SLC4A7: variants seen among roughly 807,000 people sequenced by gnomAD.
SLC4A7 encodes sodium bicarbonate cotransporter 3.
A neutral mutation model predicts 137.6 loss-of-function variants in SLC4A7; 51 were observed. The ratio of observed to expected loss-of-function variants is 0.37; its 90% CI spans 0.30 to 0.47. SLC4A7 has a LOEUF of 0.47. SLC4A7 is among the 20% of genes least tolerant of loss of function. The pLI, the probability that SLC4A7 is intolerant of heterozygous loss-of-function variation, is 1.00. For missense variants in SLC4A7, 1,247 were observed against 1,525.4 expected (o/e 0.82, Z 3.04); for synonymous variants, 542 against 518.6 (o/e 1.05, Z -0.61).
At chr3:27,408,192 A>T (rs1576273756) in intron 13 of SLC4A7, among the ~76,000 whole-genome samples, 1 of 152,188 alleles carries the variant, frequency 6.6e-6, no homozygotes, top group Non-Finnish European at 1.5e-5. Context: ...CTCTTCTTAC[A>T]CTTATCTATA....
intron 1 of SLC4A7, among the ~76,000 whole-genome samples, chr3:27,481,580 C>G (rs1471994699): frequency 6.6e-6 from 1 of 152,210 alleles, no homozygotes; most frequent in Non-Finnish European, 1.5e-5. Context: ...TTAATTTTAT[C>G]AACGCCAATA....
chr3:27,436,996 T>C (rs566867090), intron 4 of SLC4A7, among the ~76,000 whole-genome samples: 1 of 152,348 alleles, frequency 6.6e-6, no homozygotes, highest in Admixed American at 6.5e-5. Flanking sequence ...AAGCACCAGA[T>C]ATCTCATACT....
intron 21 of SLC4A7, among the ~76,000 whole-genome samples, chr3:27,391,243 A>G (rs1252834341): frequency 6.6e-6 from 1 of 152,230 alleles, no homozygotes; most frequent in Non-Finnish European, 1.5e-5. Context: ...ATAATCTTCA[A>G]TAAGTCCTTC....
chr3:27,471,481 C>T (rs1221400343), intron 1 of SLC4A7, among the ~76,000 whole-genome samples: 2 of 152,054 alleles, frequency 1.3e-5, no homozygotes, highest in African/African-American at 4.8e-5. Context: ...CTCAGTTCAC[C>T]ACAACCTCTG....
At chr3:27,439,488 C>T (rs541032418) in intron 3 of SLC4A7, among the ~76,000 whole-genome samples, 31 of 152,216 alleles carry the variant, frequency 2.0e-4, no homozygotes, top group Admixed American at 3.9e-4. Flanking sequence ...TCAGAATGAT[C>T]CCTAAATACT....
At chr3:27,393,807 TA>T (rs1347563404) in intron 20 of SLC4A7, among the ~76,000 whole-genome samples, 8 of 151,912 alleles carry the variant, frequency 5.3e-5, no homozygotes, top group African/African-American at 1.9e-4. Flanking sequence ...TTTACAATAA[TA>T]AAAAAATTAA....
chr3:27,408,934 C>T (rs1278691898), intron 13 of SLC4A7, among the ~76,000 whole-genome samples: 2 of 152,186 alleles, frequency 1.3e-5, no homozygotes, highest in Non-Finnish European at 2.9e-5. Flanking sequence ...CCAGCCAGGA[C>T]TGAGGAGTTA....
intron 1 of SLC4A7, among the ~76,000 whole-genome samples, chr3:27,467,981 T>C (rs185548062): frequency 6.6e-6 from 1 of 152,362 alleles, no homozygotes; most frequent in African/African-American, 2.4e-5. Flanking sequence ...AGAATAGTAT[T>C]CAGATATGCA....
chr3:27,481,058 A>G (rs1010669323), intron 1 of SLC4A7, among the ~76,000 whole-genome samples: 1 of 152,234 alleles, frequency 6.6e-6, no homozygotes, highest in Non-Finnish European at 1.5e-5. Flanking sequence ...GAATTGTGTT[A>G]TATCATGCAC....
intron 1 of SLC4A7, among the ~76,000 whole-genome samples, chr3:27,462,128 AT>A (rs1286203896): frequency 6.6e-6 from 1 of 152,144 alleles, no homozygotes; most frequent in East Asian, 1.9e-4. Flanking sequence ...CTTTCCATAA[AT>A]TTTTTTAAAT....
chr3:27,450,583 A>G (rs2058007596), intron 2 of SLC4A7, among the ~76,000 whole-genome samples: 1 of 152,152 alleles, frequency 6.6e-6, no homozygotes, highest in African/African-American at 2.4e-5. Context: ...TTGTTCCTCC[A>G]ATTAGTACTA....
At chr3:27,423,923 G>A (rs2055267220) in intron 8 of SLC4A7, 114 bp downstream of exon 8, 1 of 631,032 alleles carries the variant, frequency 1.6e-6, no homozygotes, top group South Asian at 2.1e-5. Context: ...AGGTTTGTAA[G>A]CACCAGTCTA....
intron 11 of SLC4A7, among the ~76,000 whole-genome samples, chr3:27,413,868 A>G (rs909241673): frequency 6.6e-6 from 1 of 152,232 alleles, no homozygotes; most frequent in Admixed American, 6.5e-5. Flanking sequence ...ACAATTAGAC[A>G]ACAGAAAACA....
chr3:27,411,846 T>C, intron 11 of SLC4A7, 98 bp from the exon 12 acceptor site: 1 of 473,810 alleles, frequency 2.1e-6, no homozygotes, highest in Non-Finnish European at 3.6e-6. Flanking sequence ...ATATTGATTA[T>C]GTATCTAATC....
intron 22 of SLC4A7, 64 bp downstream of exon 22, chr3:27,389,867 T>TA: frequency 8.4e-7 from 1 of 1,190,526 alleles, no homozygotes; most frequent in South Asian, 1.5e-5. Context: ...ATTATAAATA[T>TA]TAATAAAAAA....
At chr3:27,464,940 GTTCT>G (rs1356772589) in intron 1 of SLC4A7, among the ~76,000 whole-genome samples, 3 of 152,106 alleles carry the variant, frequency 2.0e-5, no homozygotes, top group African/African-American at 7.2e-5. Flanking sequence ...TTGCTGTGTT[GTTCT>G]TTCTTTTTCG....
At position 27,443,024 on chromosome 3, in the gene SLC4A7, C is replaced by CTTTTTTTTTTTTTTTTTTTTTTTTTT. The variant is rs1156950293; in HGVS notation, c.290-5499_290-5498insAAAAAAAAAAAAAAAAAAAAAAAAAA. Among the ~76,000 whole-genome samples the CTTTTTTTTTTTTTTTTTTTTTTTTTT allele has an allele frequency of 2.0e-5, 2 of 102,142 alleles. 1 individual carries two copies. 67.0% of individuals were successfully genotyped at this position (102,142 alleles called of 152,430 possible). ...CACCGCGCTGGGCATTCTCTTTTTT[C>CTTTTTTTTTTTTTTTTTTTTTTTTTT]TTTTTTTCTTTTTTTTTTTTTTTTT... On this transcript the variant is annotated intron_variant, in intron 3 of 25. Transcript: ENST00000454389.
At chr3:27,384,103 CAT>C (rs2050704056) in intron 23 of SLC4A7, among the ~76,000 whole-genome samples, 1 of 152,198 alleles carries the variant, frequency 6.6e-6, no homozygotes, top group East Asian at 1.9e-4. Flanking sequence ...AGAGAACATT[CAT>C]ATTTCTTTTC....
Position 27,374,133 on chromosome 3 carries a change from G to A in SLC4A7, c.*2631C>T, listed in dbSNP as rs1471457774. On this transcript the variant is annotated 3_prime_UTR_variant, in exon 26 of 26. Transcript: ENST00000454389. ...TCAGAAAAAAAGTACATTTCAGATGGTCAGCATCAGGATTTACTACAGACT... is the reference window on the plus strand; with the variant it reads ...TCAGAAAAAAAGTACATTTCAGATGATCAGCATCAGGATTTACTACAGACT... 6.6e-6 allele frequency: 1 copy of A among 152,448 alleles called. No homozygotes were observed. The highest frequency in any genetic ancestry group is 1.5e-5 in the Non-Finnish European group (1 of 67,940). The allele number at this position is 152,448 out of a possible 1,614,324, so 9.4% of individuals were successfully genotyped here.
Sources: allele counts gnomAD v4.1 joint callset (sites outside exome capture counted in the v4.1 genomes callset), GRCh38; gene constraint gnomAD v4.1.1; transcripts MANE v1.5; gene names NCBI Gene and HGNC (gene_info 2026-07-23, HGNC 2026-07-21).